The following FRYL variants were observed in gnomAD, a reference collection of about 807,000 sequenced individuals.
The protein encoded by FRYL is FRY like transcription coactivator, also known as protein furry homolog-like.
FRYL carries 150 observed loss-of-function variants against 351.2 expected under a neutral mutation model. The ratio of observed to expected loss-of-function variants is 0.43; its 90% CI spans 0.37 to 0.49. FRYL has a LOEUF of 0.49. FRYL is among the 20% of genes least tolerant of loss of function. FRYL has a pLI of 0.00. For missense variants in FRYL, 3,036 were observed against 3,619.3 expected (o/e 0.84, Z 4.13); for synonymous variants, 1,153 against 1,257.1 (o/e 0.92, Z 1.75).
At position 48,580,150 on chromosome 4, in the gene FRYL, A is replaced by C. The variant is rs769561761; in HGVS notation, c.2259+715T>G. On this transcript the variant is annotated intron_variant, in intron 22 of 63. Coordinates refer to ENST00000358350, the MANE Select transcript of FRYL (RefSeq NM_015030.2). Reference sequence around the variant, plus strand: ...TCCCTTGGCTACATATAACTCATGAATTATAAGAATCAGGTGTTATGCCGC... The same window carrying C: ...TCCCTTGGCTACATATAACTCATGACTTATAAGAATCAGGTGTTATGCCGC... 8.8e-4 allele frequency among the ~76,000 whole-genome samples: 134 copies of C among 152,238 alleles called. 2 individuals carry two copies. The highest frequency in any genetic ancestry group is 1.5e-3 in the African/African-American group (61 of 41,552).
chr4:48,618,277 T>C (rs1444686033), intron 7 of FRYL: 1 of 152,238 alleles, frequency 6.6e-6, no homozygotes, highest in African/African-American at 2.4e-5. Context: ...TTTGCAGATT[T>C]CAGAGTACCA....
chr4:48,757,523 C>T (rs2109355989), intron 1 of FRYL, among the ~76,000 whole-genome samples: 1 of 151,994 alleles, frequency 6.6e-6, no homozygotes, highest in South Asian at 2.1e-4. Context: ...CCTAGGAATC[C>T]AACTTACAAG....
chr4:48,525,196 T>TATATATATATACAC (rs759279145), intron 53 of FRYL, among the ~76,000 whole-genome samples: 9 of 133,046 alleles, frequency 6.8e-5, no homozygotes, highest in African/African-American at 1.8e-4. Flanking sequence ...TATATATATA[T>TATATATATATACAC]ACACACACTT....
intron 28 of FRYL, among the ~76,000 whole-genome samples, chr4:48,566,374 G>A (rs1736789386): frequency 6.6e-6 from 1 of 151,826 alleles, no homozygotes; most frequent in Non-Finnish European, 1.5e-5. Flanking sequence ...TATCCTTCTT[G>A]AAGAAACTCA....
intron 2 of FRYL, among the ~76,000 whole-genome samples, chr4:48,698,939 TTAAA>T (rs1446887851): frequency 1.3e-5 from 2 of 152,050 alleles, no homozygotes; most frequent in Non-Finnish European, 2.9e-5. Flanking sequence ...TCCAAGTTAA[TTAAA>T]TACCCATAAC....
chr4:48,741,607 G>A (rs11943219), intron 1 of FRYL, among the ~76,000 whole-genome samples: 62,795 of 151,976 alleles, frequency 0.41, 14,282 homozygotes, highest in Admixed American at 0.56. Flanking sequence ...GAAGCAGGAG[G>A]ATCACCTGAG....
intron 15 of FRYL, among the ~76,000 whole-genome samples, chr4:48,594,441 T>C (rs1744189072): frequency 6.6e-6 from 1 of 152,144 alleles, no homozygotes; most frequent in African/African-American, 2.4e-5. Context: ...AACTGCTGTT[T>C]GAAAGGAGTT....
At chr4:48,669,286 A>G (rs1480414813) in intron 3 of FRYL, among the ~76,000 whole-genome samples, 1 of 152,178 alleles carries the variant, frequency 6.6e-6, no homozygotes, top group Non-Finnish European at 1.5e-5. Flanking sequence ...GAACAATTAG[A>G]GCAGGTGCAG....
intron 3 of FRYL, among the ~76,000 whole-genome samples, chr4:48,645,124 T>TTATATATATATATATATAAA (rs1756143616): frequency 9.5e-6 from 1 of 105,446 alleles, no homozygotes; most frequent in East Asian, 3.0e-4. Flanking sequence ...AGCTTTCATT[T>TTATATATATATATATATAAA]TATATATATA....
At chr4:48,730,377 A>G (rs1355160533) in intron 1 of FRYL, among the ~76,000 whole-genome samples, 1 of 152,180 alleles carries the variant, frequency 6.6e-6, no homozygotes, top group Non-Finnish European at 1.5e-5. Flanking sequence ...CAGGAAATAC[A>G]GAGAACAACA....
intron 3 of FRYL, among the ~76,000 whole-genome samples, chr4:48,661,929 T>C (rs757018880): frequency 2.1e-4 from 32 of 152,112 alleles, no homozygotes; most frequent in Admixed American, 1.8e-3. Flanking sequence ...TCTAAAACAA[T>C]AAATTCACTA....
At chr4:48,727,648 T>A (rs78771643) in intron 1 of FRYL, among the ~76,000 whole-genome samples, 1,660 of 152,254 alleles carry the variant, frequency 0.011, 13 homozygotes, top group Non-Finnish European at 0.015. Flanking sequence ...AAATCCCCCC[T>A]ACTTCCAAAA....
chr4:48,590,481 TCAAAAACAAAAA>T (rs879551408), intron 17 of FRYL, among the ~76,000 whole-genome samples, 166 bp downstream of exon 17: 9 of 151,946 alleles, frequency 5.9e-5, no homozygotes, highest in Middle Eastern at 3.2e-3. Flanking sequence ...AGACTCTGTC[TCAAAAACAAAAA>T]CAAAAACAAA....
rs1300855256 is a variant in FRYL, at chr4:48,635,646, T to G, written c.-80-1156A>C. On this transcript the variant is annotated intron_variant, in intron 3 of 63. Transcript: ENST00000358350. ...CTTCTGACTGCCTGGGCAGCCTACT[T>G]GGCTTCCTACATACAAGTTTTCCAG... Among the ~76,000 whole-genome samples, 4 of 152,204 alleles carry G rather than the reference T, an allele frequency of 2.6e-5. No homozygotes were observed. The East Asian group carries it at 7.7e-4, about 29-fold the overall frequency.
At chr4:48,621,206 C>A (rs770138394) in intron 5 of FRYL, among the ~76,000 whole-genome samples, 6 of 152,204 alleles carry the variant, frequency 3.9e-5, no homozygotes, top group Non-Finnish European at 7.4e-5. Flanking sequence ...GAAACAAAGA[C>A]TACATTATGT....
rs1373606449 is a variant in FRYL at position 48,687,961 on chromosome 4, T to C, written c.-203-3166A>G. Among the ~76,000 whole-genome samples, 8 of 152,234 alleles carry C rather than the reference T, an allele frequency of 5.3e-5. No homozygotes were observed. The South Asian group carries it at 1.7e-3, about 32-fold the overall frequency. The stretch of plus-strand genomic sequence containing the variant: ...TCCGTGAGTCTTTAGGCAACAGTTG[T>C]TAGGAATGTTAACATTCTTACAGAA... On this transcript the variant is annotated intron_variant, in intron 2 of 63. Coordinates refer to ENST00000358350, the MANE Select transcript of FRYL (RefSeq NM_015030.2).
intron 1 of FRYL, among the ~76,000 whole-genome samples, chr4:48,770,144 C>A (rs147930743): frequency 1.2e-3 from 190 of 152,170 alleles, no homozygotes; most frequent in African/African-American, 4.2e-3. Flanking sequence ...GTATCAGTTT[C>A]CTAGTTAAGG....
At chr4:48,516,307 A>C (rs1479617303) in intron 55 of FRYL, among the ~76,000 whole-genome samples, 1 of 152,240 alleles carries the variant, frequency 6.6e-6, no homozygotes, top group African/African-American at 2.4e-5. Context: ...TACTGAAACA[A>C]TGTTGCTATG....
intron 18 of FRYL, among the ~76,000 whole-genome samples, chr4:48,587,227 G>GTCCTGTAA (rs1742284179): frequency 6.6e-6 from 1 of 151,890 alleles, no homozygotes; most frequent in Non-Finnish European, 1.5e-5. Context: ...GTTTGTTCTT[G>GTCCTGTAA]TCCTGTATGT....
Sources: gnomAD v4.1 joint callset for allele counts (sites outside exome capture counted in the v4.1 genomes callset) on GRCh38, gnomAD v4.1.1 for gene constraint, MANE v1.5 for transcripts, NCBI Gene and HGNC (gene_info 2026-07-23, HGNC 2026-07-21) for gene names.